CEP128: variants seen among roughly 807,000 people sequenced by gnomAD.
The protein encoded by CEP128 is centrosomal protein 128.
Under a neutral mutation model 156.7 loss-of-function variants are expected in CEP128, and 132 were observed. The ratio of observed to expected loss-of-function variants is 0.84; its 90% CI spans 0.73 to 0.97. The LOEUF is 0.97. CEP128 is among the 50% of genes least tolerant of loss of function. The probability of loss-of-function intolerance (pLI) is 0.00; values close to 1 mark genes in which losing one functional copy is unlikely to be tolerated. For synonymous variants in CEP128, 469 were observed against 448.9 expected (o/e 1.04, Z -0.57); for missense variants, 1,252 against 1,281.9 (o/e 0.98, Z 0.36).
chr14:80,859,605 T>G (rs555082258), intron 9 of CEP128, among the ~76,000 whole-genome samples: 324 of 152,232 alleles, frequency 2.1e-3, no homozygotes, highest in Non-Finnish European at 3.8e-3. Context: ...TCATGTGACT[T>G]CAATAGCACA....
chr14:80,932,446 A>G lies in CEP128; in HGVS notation c.-16+6939T>C, dbSNP rs186152941. ...ATGTCTGAGACAACTTCAAACCTCT[A>G]TATGTTCTGGATTTAAGTCAAGGCA... is the stretch of plus-strand genomic sequence containing the variant. On this transcript the variant is annotated intron_variant, in intron 2 of 24. Transcript: ENST00000555265. 6.7e-4 allele frequency among the ~76,000 whole-genome samples: 102 copies of G among 152,324 alleles called. 1 individual carries two copies. The highest frequency in any genetic ancestry group is 2.3e-3 in the African/African-American group (95 of 41,594).
intron 4 of CEP128, among the ~76,000 whole-genome samples, chr14:80,910,869 G>A (rs988469616): frequency 1.8e-4 from 27 of 152,046 alleles, no homozygotes; most frequent in Non-Finnish European, 3.5e-4. Flanking sequence ...TACTCAAGGG[G>A]TAAAAAAAGT....
intron 19 of CEP128, among the ~76,000 whole-genome samples, chr14:80,622,368 T>A (rs1360246030): frequency 6.6e-6 from 1 of 151,574 alleles, no homozygotes; most frequent in African/African-American, 2.4e-5. Context: ...GAAGAAAACC[T>A]AGGCATTACC....
intron 19 of CEP128, among the ~76,000 whole-genome samples, chr14:80,738,406 A>G (rs1251732287): frequency 6.6e-6 from 1 of 152,210 alleles, no homozygotes; most frequent in African/African-American, 2.4e-5. Flanking sequence ...AACACTGGGA[A>G]TGATGAAACC....
At chr14:80,540,931 AGCAT>A (rs1406992794) in intron 21 of CEP128, among the ~76,000 whole-genome samples, 2 of 152,308 alleles carry the variant, frequency 1.3e-5, no homozygotes, top group South Asian at 2.1e-4. Flanking sequence ...TCACCCCAAG[AGCAT>A]GCATTTTGGC....
chr14:80,836,166 C>T, intron 12 of CEP128, 39 bp downstream of exon 12: 1 of 1,599,304 alleles, frequency 6.3e-7, no homozygotes, highest in South Asian at 1.1e-5. Flanking sequence ...AAAGCCCCCA[C>T]ACACATTATC....
intron 9 of CEP128, among the ~76,000 whole-genome samples, chr14:80,857,451 G>A (rs1887244254): frequency 6.6e-6 from 1 of 151,956 alleles, no homozygotes; most frequent in African/African-American, 2.4e-5. Context: ...CTTGAATTTA[G>A]GTCGGGCGTG....
rs1182173174 is a variant in CEP128 at position 80,785,822 on chromosome 14, TA to T, written c.1561-278del. On this transcript the variant is annotated intron_variant, in intron 14 of 24. Transcript: ENST00000555265. ...CAATCCATGGTCACAAATAATTATT[TA>T]AATGTAAGATAAAATTGAGCAAACA... Among the ~76,000 whole-genome samples, 3 of 152,140 alleles carry T rather than the reference TA, an allele frequency of 2.0e-5. No individual in the cohort carries two copies. In the East Asian group the frequency reaches 5.8e-4, roughly 29 times the overall value.
chr14:80,486,114 A>T (rs1359415144), downstream of CEP128, among the ~76,000 whole-genome samples: 1 of 152,182 alleles, frequency 6.6e-6, no homozygotes, highest in South Asian at 2.1e-4. Flanking sequence ...GACCTATTGC[A>T]TTGTAGTTAC....
At chr14:80,778,874 C>A (rs1016387418) in intron 15 of CEP128, among the ~76,000 whole-genome samples, 2 of 152,168 alleles carry the variant, frequency 1.3e-5, no homozygotes, top group East Asian at 3.8e-4. Context: ...AGTTTTTCCT[C>A]ATTTCATCCT....
intron 18 of CEP128, among the ~76,000 whole-genome samples, chr14:80,750,752 A>G (rs1899349222): frequency 6.6e-6 from 1 of 152,214 alleles, no homozygotes; most frequent in African/African-American, 2.4e-5. Flanking sequence ...GTTCTGGGGA[A>G]AAAACAAAAC....
intron 19 of CEP128, among the ~76,000 whole-genome samples, chr14:80,593,530 G>T: frequency 7.8e-6 from 1 of 128,902 alleles, no homozygotes; most frequent in African/African-American, 3.1e-5. Flanking sequence ...CTGGGTGACA[G>T]AGCAAGACTC....
intron 20 of CEP128, among the ~76,000 whole-genome samples, chr14:80,574,682 C>G (rs1209364628): frequency 6.6e-6 from 1 of 152,078 alleles, no homozygotes; most frequent in Non-Finnish European, 1.5e-5. Context: ...CCAAAAGAAC[C>G]AAGAAGGTAT....
chr14:80,876,470 G>A (rs185243168), intron 8 of CEP128, among the ~76,000 whole-genome samples: 4 of 152,008 alleles, frequency 2.6e-5, no homozygotes, highest in Admixed American at 6.6e-5. Flanking sequence ...GGTGGCACAC[G>A]CCTGTAGTCC....
intron 8 of CEP128, among the ~76,000 whole-genome samples, chr14:80,864,971 A>T (rs1296531515): frequency 6.6e-6 from 1 of 152,190 alleles, no homozygotes; most frequent in Non-Finnish European, 1.5e-5. Context: ...TTACTTAGCT[A>T]ACATTATTTT....
intron 19 of CEP128, among the ~76,000 whole-genome samples, chr14:80,685,258 A>T (rs1466319505): frequency 6.6e-6 from 1 of 152,184 alleles, no homozygotes; most frequent in African/African-American, 2.4e-5. Context: ...GTTTTGGGAC[A>T]CAAAACCAAT....
chr14:80,754,711 C>A (rs575242555), intron 18 of CEP128, among the ~76,000 whole-genome samples: 1 of 152,224 alleles, frequency 6.6e-6, no homozygotes, highest in African/African-American at 2.4e-5. Flanking sequence ...ATTCCCCCTA[C>A]CTCGGCCTCC....
intron 14 of CEP128, among the ~76,000 whole-genome samples, chr14:80,478,930 G>C (rs2140144047): frequency 6.6e-6 from 1 of 152,266 alleles, no homozygotes; most frequent in Middle Eastern, 3.4e-3. Context: ...TCTGTGATTT[G>C]TTGCTGATTA....
intron 21 of CEP128, among the ~76,000 whole-genome samples, 155 bp downstream of exon 21, chr14:80,559,124 C>A (rs184462616): frequency 6.6e-6 from 1 of 152,114 alleles, no homozygotes. Context: ...TATCCACATA[C>A]CTTTTAGATA....
Sources: gnomAD v4.1 joint callset for allele counts (sites outside exome capture counted in the v4.1 genomes callset) on GRCh38, gnomAD v4.1.1 for gene constraint, MANE v1.5 for transcripts, NCBI Gene and HGNC (gene_info 2026-07-23, HGNC 2026-07-21) for gene names.